The following OSBPL9 variants were observed in gnomAD, a reference collection of about 807,000 sequenced individuals.
OSBPL9 encodes the protein oxysterol binding protein like 9.
OSBPL9 carries 40 observed loss-of-function variants against 106.6 expected under a neutral mutation model. The observed-to-expected ratio is 0.38, with a 90% CI of 0.29 to 0.49. OSBPL9 has a LOEUF of 0.49. Among genes scored for constraint, OSBPL9 ranks in the 20% least tolerant of loss-of-function variants. The probability of loss-of-function intolerance (pLI) is 0.97; values close to 1 mark genes in which losing one functional copy is unlikely to be tolerated. For missense variants in OSBPL9, 609 were observed against 887.2 expected, an observed-to-expected ratio of 0.69 and a Z score of 3.98; for synonymous variants, 269 against 295.4, an observed-to-expected ratio of 0.91 and a Z score of 0.92.
chr1:51,578,671 T>C (rs1645200693), intron 1 of OSBPL9, among the ~76,000 whole-genome samples: 1 of 152,170 alleles, frequency 6.6e-6, no homozygotes, highest in African/African-American at 2.4e-5. Context: ...TTAATTCCTT[T>C]CTTCAAGAAA....
intron 4 of OSBPL9, among the ~76,000 whole-genome samples, chr1:51,740,461 G>C (rs1666661288): frequency 6.6e-6 from 1 of 151,820 alleles, no homozygotes; most frequent in Non-Finnish European, 1.5e-5. Context: ...CTTGTTGTGT[G>C]TTTTTTCTTT....
At position 51,748,416 on chromosome 1, in the gene OSBPL9, TA is replaced by T; in HGVS notation, c.492+19del. 6.8e-7 allele frequency: 1 copy of T among 1,479,724 alleles called. No individual in the cohort carries two copies. The highest frequency in any genetic ancestry group is 8.9e-7 in the Non-Finnish European group (1 of 1,119,416). The allele number at this position is 1,479,724 out of a possible 1,614,324, so 91.7% of individuals were successfully genotyped here. ...CAACAAATGTAAGTTATATGTTTGATACATTCTGACTTTGCATTAGAAAATG... is the reference window on the plus strand; with the variant it reads ...CAACAAATGTAAGTTATATGTTTGATCATTCTGACTTTGCATTAGAAAATG... On this transcript the variant is annotated intron_variant, in intron 7 of 23. Coordinates refer to ENST00000428468, the MANE Select transcript of OSBPL9 (RefSeq NM_024586.6).
chr1:51,773,919 C>T (rs1217701692), intron 14 of OSBPL9, among the ~76,000 whole-genome samples: 1 of 150,444 alleles, frequency 6.6e-6, no homozygotes, highest in East Asian at 2.0e-4. Flanking sequence ...CTTCAGTAAT[C>T]ATTAGATTGT....
At chr1:51,568,748 G>A in the OSBPL9 span, among the ~76,000 whole-genome samples, 55 of 152,056 alleles carry the variant, frequency 3.6e-4, no homozygotes, top group Middle Eastern at 3.4e-3. Context: ...TCTTTTTCTC[G>A]AGACGGAGTC....
the OSBPL9 span, among the ~76,000 whole-genome samples, chr1:51,543,502 T>C: frequency 5.3e-5 from 8 of 152,092 alleles, no homozygotes; most frequent in South Asian, 1.7e-3. Flanking sequence ...TTCAATCGAT[T>C]CTCCTGCCTC....
intron 3 of OSBPL9, among the ~76,000 whole-genome samples, chr1:51,672,986 C>T (rs1650254265): frequency 6.6e-6 from 1 of 152,116 alleles, no homozygotes; most frequent in South Asian, 2.1e-4. Flanking sequence ...GTCATTGGCA[C>T]ATAGATGGTA....
In OSBPL9 at chr1:51,688,019, A is replaced by G. The variant is rs147677182; in HGVS notation, c.241+18507A>G. On this transcript the variant is annotated intron_variant, in intron 3 of 23. Coordinates refer to ENST00000428468, the MANE Select transcript of OSBPL9 (RefSeq NM_024586.6). ...TTACACAGGGTACATCCTGATTGTC[A>G]ATGGATGGACTATGAATGGAACATG... 6.3e-3 allele frequency among the ~76,000 whole-genome samples: 964 copies of G among 152,232 alleles called. 6 individuals carry two copies. Among genetic ancestry groups the G allele is most frequent in the Non-Finnish European group, 0.011 (755 of 67,996 alleles).
At chr1:51,518,611 G>T in the OSBPL9 span, 1 of 152,504 alleles carries the variant, frequency 6.6e-6, no homozygotes, top group African/African-American at 2.4e-5. Context: ...CTTTGGAGGC[G>T]AGGCTAACTA....
intron 1 of OSBPL9, among the ~76,000 whole-genome samples, chr1:51,585,821 C>T (rs1390125129): frequency 2.0e-5 from 3 of 151,054 alleles, no homozygotes; most frequent in Non-Finnish European, 3.0e-5. Context: ...AAATTTAACT[C>T]CAAGAACTGG....
At chr1:51,595,202 AAGGGAGCGGCAGGGG>A (rs1313480311) in intron 1 of OSBPL9, among the ~76,000 whole-genome samples, 6 of 152,160 alleles carry the variant, frequency 3.9e-5, no homozygotes, top group African/African-American at 1.4e-4. Context: ...ACCAGGTGTT[AAGGGAGCGGCAGGGG>A]AGGGTCTCTA....
At chr1:51,668,745 A>G (rs961842698) in intron 2 of OSBPL9, among the ~76,000 whole-genome samples, 7 of 152,220 alleles carry the variant, frequency 4.6e-5, no homozygotes, top group Admixed American at 1.3e-4. Flanking sequence ...CCCACCCCCC[A>G]GTTTGGAGAG....
intron 8 of OSBPL9, among the ~76,000 whole-genome samples, chr1:51,751,970 A>G (rs1003707049): frequency 2.0e-5 from 3 of 152,144 alleles, no homozygotes; most frequent in African/African-American, 7.2e-5. Context: ...AGGAAGTTTT[A>G]TTGTTGTTAA....
At chr1:51,632,450 T>C (rs1478790022) in intron 1 of OSBPL9, among the ~76,000 whole-genome samples, 4 of 148,968 alleles carry the variant, frequency 2.7e-5, no homozygotes, top group African/African-American at 5.0e-5. Context: ...TAACTTCAAA[T>C]AGAATGTTCT....
intron 3 of OSBPL9, 105 bp from the exon 4 acceptor site, chr1:51,713,898 A>T (rs1660574368): frequency 1.1e-6 from 1 of 915,100 alleles, no homozygotes; most frequent in Non-Finnish European, 1.6e-6. Context: ...GGTACAACTA[A>T]AAACCTTTTC....
chr1:51,569,352 T>A, the OSBPL9 span, among the ~76,000 whole-genome samples: 1 of 152,192 alleles, frequency 6.6e-6, no homozygotes, highest in Non-Finnish European at 1.5e-5. Flanking sequence ...TCCCCACCTC[T>A]GTGGTTTACT....
At chr1:51,688,212 C>T (rs978456430) in intron 3 of OSBPL9, among the ~76,000 whole-genome samples, 1 of 152,014 alleles carries the variant, frequency 6.6e-6, no homozygotes, top group Admixed American at 6.6e-5. Flanking sequence ...CAGGTTGGTT[C>T]ATGGTAGAGA....
chr1:51,623,609 C>T (rs777448722), intron 1 of OSBPL9, among the ~76,000 whole-genome samples: 76 of 152,186 alleles, frequency 5.0e-4, no homozygotes, highest in Non-Finnish European at 5.3e-4. Context: ...TGCTGTTACA[C>T]ACTGTCTGGA....
upstream of OSBPL9, among the ~76,000 whole-genome samples, chr1:51,573,534 G>T (rs11205865): frequency 0.16 from 18,226 of 117,546 alleles, 2,960 homozygotes; most frequent in African/African-American, 0.42. Context: ...AAAAAAAAAA[G>T]GCCAGGCACG....
intron 2 of OSBPL9, among the ~76,000 whole-genome samples, chr1:51,662,202 G>A (rs1647223273): frequency 6.6e-6 from 1 of 152,190 alleles, no homozygotes; most frequent in Non-Finnish European, 1.5e-5. Flanking sequence ...AAGGGAATGA[G>A]AGAGGCTGGC....
Sources: gnomAD v4.1 joint callset for allele counts (sites outside exome capture counted in the v4.1 genomes callset) on GRCh38, gnomAD v4.1.1 for gene constraint, MANE v1.5 for transcripts, NCBI Gene and HGNC (gene_info 2026-07-23, HGNC 2026-07-21) for gene names.